Variants in ADAMTSL1 observed in about 807,000 individuals in gnomAD.
ADAMTSL1 encodes the protein ADAMTS like 1.
A neutral mutation model predicts 201.8 loss-of-function variants in ADAMTSL1; 126 were observed. The ratio of observed to expected loss-of-function variants is 0.62; its 90% CI spans 0.54 to 0.72. The LOEUF (loss-of-function observed/expected upper bound fraction) is 0.72. Ranked by LOEUF, ADAMTSL1 falls within the 30% of genes least tolerant of loss-of-function variation. ADAMTSL1 has a pLI of 0.00. For missense variants in ADAMTSL1, 2,679 were observed against 2,277.8 expected, an observed-to-expected ratio of 1.18 and a Z score of -3.59; for synonymous variants, 1,121 against 903.4, an observed-to-expected ratio of 1.24 and a Z score of -4.32.
At chr9:18,020,851 G>A (rs780249039) in intron 1 of ADAMTSL1, among the ~76,000 whole-genome samples, 1 of 152,210 alleles carries the variant, frequency 6.6e-6, no homozygotes, top group East Asian at 1.9e-4. Context: ...TGAGCAAAGC[G>A]TCAGTAACTG....
At chr9:18,888,830 T>G (rs938059063) in intron 24 of ADAMTSL1, among the ~76,000 whole-genome samples, 2 of 152,246 alleles carry the variant, frequency 1.3e-5, no homozygotes, top group Non-Finnish European at 2.9e-5. Flanking sequence ...AGTTAAGTTT[T>G]CTTCTTAAAT....
intron 4 of ADAMTSL1, among the ~76,000 whole-genome samples, chr9:18,618,769 G>C (rs1275362663): frequency 6.6e-6 from 1 of 152,100 alleles, no homozygotes; most frequent in African/African-American, 2.4e-5. Flanking sequence ...AGCCAAGTCA[G>C]CTTCTTTTAA....
chr9:18,410,178 C>CTT (rs920083000), intron 2 of ADAMTSL1, among the ~76,000 whole-genome samples: 54 of 146,214 alleles, frequency 3.7e-4, no homozygotes, highest in African/African-American at 1.3e-3. Context: ...GTCCCTGAAT[C>CTT]TTTTTTTTTT....
At chr9:18,380,239 G>A (rs1837497478) in intron 2 of ADAMTSL1, among the ~76,000 whole-genome samples, 1 of 152,016 alleles carries the variant, frequency 6.6e-6, no homozygotes, top group South Asian at 2.1e-4. Flanking sequence ...AGAGTATGGG[G>A]GAAGAAGGAT....
chr9:18,297,264 G>A (rs1833511899), intron 2 of ADAMTSL1, among the ~76,000 whole-genome samples: 1 of 152,072 alleles, frequency 6.6e-6, no homozygotes, highest in South Asian at 2.1e-4. Flanking sequence ...AGTGACTTTT[G>A]GCGTTTTTGT....
At chr9:18,480,165 C>T (rs1821651396) in intron 1 of ADAMTSL1, among the ~76,000 whole-genome samples, 1 of 152,156 alleles carries the variant, frequency 6.6e-6, no homozygotes, top group African/African-American at 2.4e-5. Flanking sequence ...AAAATAAACT[C>T]TCATGTTAGC....
chr9:18,702,853 C>T (rs1315436749), intron 13 of ADAMTSL1, among the ~76,000 whole-genome samples: 3 of 152,004 alleles, frequency 2.0e-5, no homozygotes, highest in Non-Finnish European at 4.4e-5. Context: ...ACCTCCACCT[C>T]CCGGGCCCAA....
At chr9:18,404,253 A>G (rs575125597) in intron 2 of ADAMTSL1, among the ~76,000 whole-genome samples, 1 of 152,108 alleles carries the variant, frequency 6.6e-6, no homozygotes, top group Non-Finnish European at 1.5e-5. Flanking sequence ...TGTTTCCTTC[A>G]TTCCTCAATT....
intron 1 of ADAMTSL1, among the ~76,000 whole-genome samples, chr9:18,085,555 CACTG>C (rs1587009484): frequency 5.5e-5 from 6 of 108,662 alleles, no homozygotes; most frequent in East Asian, 5.1e-4. Context: ...TATACATACA[CACTG>C]TGTGTATACA....
chr9:18,650,825 G>A (rs1828194999), intron 7 of ADAMTSL1, among the ~76,000 whole-genome samples: 1 of 152,084 alleles, frequency 6.6e-6, no homozygotes, highest in Non-Finnish European at 1.5e-5. Context: ...TAGATAATCT[G>A]CTGCTTACTG....
At chr9:18,013,879 A>G (rs549423708) in intron 1 of ADAMTSL1, among the ~76,000 whole-genome samples, 3 of 152,118 alleles carry the variant, frequency 2.0e-5, no homozygotes, top group African/African-American at 7.2e-5. Context: ...TTTTCCATAT[A>G]AAAAGTGGTT....
chr9:18,240,453 A>C (rs1831019519), intron 2 of ADAMTSL1, among the ~76,000 whole-genome samples: 2 of 152,156 alleles, frequency 1.3e-5, no homozygotes, highest in South Asian at 4.1e-4. Context: ...TTTATAGAGC[A>C]CAGGCAGAGT....
chr9:18,079,753 G>T (rs1823404204), intron 1 of ADAMTSL1, among the ~76,000 whole-genome samples: 2 of 151,802 alleles, frequency 1.3e-5, no homozygotes, highest in South Asian at 4.2e-4. Context: ...AGCAACCATT[G>T]GTACATGTCT....
chr9:18,409,609 T>G (rs915213018), intron 2 of ADAMTSL1, among the ~76,000 whole-genome samples: 1 of 151,216 alleles, frequency 6.6e-6, no homozygotes, highest in Non-Finnish European at 1.5e-5. Context: ...CTTTGTGATA[T>G]TCTCAGTTTA....
chr9:18,023,494 A>T (rs1249132266), intron 1 of ADAMTSL1, among the ~76,000 whole-genome samples: 1 of 152,216 alleles, frequency 6.6e-6, no homozygotes, highest in Non-Finnish European at 1.5e-5. Context: ...AAGAACCCCA[A>T]GATCAGCCAC....
chr9:18,097,463 C>T lies in ADAMTSL1; in HGVS notation c.88-66399C>T, dbSNP rs116947196. The stretch of plus-strand genomic sequence containing the variant: ...TAGAATTTCTGGGTCATATGGTAAC[C>T]GTATATTTAATTTTATAAGAAACTT... On this transcript the variant is annotated intron_variant, in intron 1 of 29. Coordinates refer to the ADAMTSL1 transcript ENST00000680146. Among the ~76,000 whole-genome samples the T allele has an allele frequency of 1.8e-4, 27 of 152,202 alleles. 1 individual carries two copies. In the East Asian group the frequency reaches 4.8e-3, roughly 27 times the overall value.
rs1221700577 is a variant in ADAMTSL1 at position 18,088,763 on chromosome 9, GAA to G, written c.88-75097_88-75096del. ...ATGTTGGTAAGTTTGTGGAGAAATT[GAA>G]ACCTTAGTACAATGTTGACAGGAAT... On this transcript the variant is annotated intron_variant, in intron 1 of 29. Transcript: ENST00000680146. 2.0e-5 allele frequency among the ~76,000 whole-genome samples: 3 copies of G among 152,296 alleles called. No homozygotes were observed. The East Asian group carries it at 5.8e-4, about 29-fold the overall frequency.
intron 23 of ADAMTSL1, among the ~76,000 whole-genome samples, chr9:18,866,116 C>CAAAAAAAAAAAAAAA (rs76778655): frequency 0.021 from 1,662 of 77,646 alleles, 88 homozygotes; most frequent in Non-Finnish European, 0.026. Flanking sequence ...CTTCAAAAAC[C>CAAAAAAAAAAAAAAA]AAAAAAAAAA....
rs1012799526 is a variant in ADAMTSL1, at chr9:18,717,604, T to G, written c.1877-3932T>G. 1.5e-4 allele frequency among the ~76,000 whole-genome samples: 23 copies of G among 152,322 alleles called. 1 individual carries two copies. The highest frequency in any genetic ancestry group is 1.2e-3 in the Admixed American group (19 of 15,300). On this transcript the variant is annotated intron_variant, in intron 14 of 28. Transcript: ENST00000380548. Reference sequence around the variant, plus strand: ...TATTATGGTAAAATAGTGGTGCTTTTAGGATTTACATTATTGTACTCTCCA... The same window carrying G: ...TATTATGGTAAAATAGTGGTGCTTTGAGGATTTACATTATTGTACTCTCCA...
Sources: gnomAD v4.1 joint callset for allele counts (sites outside exome capture counted in the v4.1 genomes callset) on GRCh38, gnomAD v4.1.1 for gene constraint, MANE v1.5 for transcripts, NCBI Gene and HGNC (gene_info 2026-07-23, HGNC 2026-07-21) for gene names.